Variants in TMEM181 observed in about 807,000 individuals in gnomAD.
TMEM181 encodes the protein transmembrane protein 181.
TMEM181 carries 39 observed loss-of-function variants against 71.9 expected under a neutral mutation model. That is an observed-to-expected ratio of 0.54 (90% CI 0.42 to 0.71). The LOEUF (loss-of-function observed/expected upper bound fraction) is 0.71, where lower values mean the gene tolerates loss of function less well. TMEM181 is among the 30% of genes least tolerant of loss of function. TMEM181 has a pLI of 0.00. For synonymous variants in TMEM181, 245 were observed against 228.8 expected (o/e 1.07, Z -0.64); for missense variants, 595 against 583.0 (o/e 1.02, Z -0.21).
intron 10 of TMEM181, among the ~76,000 whole-genome samples, chr6:158,615,000 T>C (rs149505477): frequency 3.4e-3 from 518 of 152,268 alleles, no homozygotes; most frequent in African/African-American, 0.012. Flanking sequence ...TGGGTATATA[T>C]CCAGTAATGG....
rs996503821 is a variant in TMEM181 at position 158,589,839 on chromosome 6, T to G, written c.492+57T>G. On this transcript the variant is annotated intron_variant, in intron 6 of 16. Transcript: ENST00000684151. The stretch of plus-strand genomic sequence containing the variant: ...GGCTCATGTTCTAGTTCCCATTCTT[T>G]GTTCAATGATTGAAATACATCTCAG... 21 of 1,225,272 alleles carry G rather than the reference T, an allele frequency of 1.7e-5. No individual in the cohort carries two copies. In the African/African-American group the frequency reaches 2.4e-4, roughly 14 times the overall value. The allele number at this position is 1,225,272 out of a possible 1,614,324, so 75.9% of individuals were successfully genotyped here. A position where few individuals can be genotyped will look rare whatever the true frequency, so the allele number is the denominator to read the frequency against.
chr6:158,608,303 C>T, intron 8 of TMEM181, 30 bp from the exon 9 acceptor site: 1 of 1,613,456 alleles, frequency 6.2e-7, no homozygotes, highest in Non-Finnish European at 8.5e-7. Flanking sequence ...GGCCTGTTTT[C>T]CACATGGATT....
chr6:158,590,751 C>G (rs150039364), intron 6 of TMEM181, among the ~76,000 whole-genome samples: 125 of 152,348 alleles, frequency 8.2e-4, no homozygotes, highest in African/African-American at 2.8e-3. Context: ...CGTGAGCCAC[C>G]GCGCCCGGCC....
rs1019976114 is a variant in TMEM181, at chr6:158,589,920, T to C, written c.492+138T>C. 7.7e-6 allele frequency: 5 copies of C among 645,552 alleles called. No homozygotes were observed. The East Asian group carries it at 8.4e-5, about 11-fold the overall frequency. 40.0% of individuals were successfully genotyped at this position (645,552 alleles called of 1,614,324 possible). A position where few individuals can be genotyped will look rare whatever the true frequency, so the allele number is the denominator to read the frequency against. The stretch of plus-strand genomic sequence containing the variant: ...GGACTTGTAAAGTTTTTAAAAATTA[T>C]AGGAAAACTACAGTTTCTTAAGTAT... On this transcript the variant is annotated intron_variant, in intron 6 of 16. Transcript: ENST00000684151.
upstream of TMEM181, among the ~76,000 whole-genome samples, chr6:158,558,582 C>G (rs1368189506): frequency 6.6e-6 from 1 of 152,196 alleles, no homozygotes; most frequent in Non-Finnish European, 1.5e-5. Context: ...ATCAGCTAAC[C>G]ACCTGCCAAT....
chr6:158,617,322 T>TG (rs1320231600), intron 10 of TMEM181, among the ~76,000 whole-genome samples: 3 of 152,228 alleles, frequency 2.0e-5, no homozygotes, highest in Non-Finnish European at 4.4e-5. Context: ...GTGGGTTCGG[T>TG]GGTGATATCC....
intron 7 of TMEM181, among the ~76,000 whole-genome samples, chr6:158,606,888 T>C (rs1359994851): frequency 6.6e-6 from 1 of 152,208 alleles, no homozygotes; most frequent in Non-Finnish European, 1.5e-5. Context: ...GTGCTGGCTC[T>C]CTGGAGCAGG....
intron 13 of TMEM181, among the ~76,000 whole-genome samples, chr6:158,626,922 T>C (rs1311728703): frequency 3.7e-5 from 3 of 82,144 alleles, no homozygotes; most frequent in South Asian, 4.6e-4. Context: ...TCACCCTCAT[T>C]CTCACCCTCA....
intron 1 of TMEM181, among the ~76,000 whole-genome samples, chr6:158,561,697 C>G (rs1220483248): frequency 6.6e-6 from 1 of 152,114 alleles, no homozygotes; most frequent in Non-Finnish European, 1.5e-5. Flanking sequence ...GGAAAGGTCC[C>G]GAGGAGGACA....
chr6:158,617,660 A>G (rs1359101685), intron 10 of TMEM181, among the ~76,000 whole-genome samples: 3 of 152,138 alleles, frequency 2.0e-5, no homozygotes, highest in Non-Finnish European at 4.4e-5. Context: ...TGTGTCCCAG[A>G]GATTCTGGTA....
At chr6:158,585,203 G>A in intron 4 of TMEM181, 101 bp from the exon 5 acceptor site, 2 of 1,337,610 alleles carry the variant, frequency 1.5e-6, no homozygotes, top group Non-Finnish European at 2.0e-6. Flanking sequence ...AGGACCTTAA[G>A]CGTTTTCCTG....
chr6:158,538,433 G>GCT (rs949228755), intron 1 of TMEM181, among the ~76,000 whole-genome samples: 1 of 150,948 alleles, frequency 6.6e-6, no homozygotes, highest in Non-Finnish European at 1.5e-5. Flanking sequence ...GAGATGACAG[G>GCT]CGTGAGCCAC....
chr6:158,559,446 G>A (rs1782028291), upstream of TMEM181, among the ~76,000 whole-genome samples: 1 of 152,154 alleles, frequency 6.6e-6, no homozygotes, highest in Non-Finnish European at 1.5e-5. Flanking sequence ...ACGGGAACAC[G>A]GGACATTTTG....
chr6:158,546,142 A>G (rs576919553), intron 1 of TMEM181, among the ~76,000 whole-genome samples: 68 of 152,302 alleles, frequency 4.5e-4, no homozygotes, highest in African/African-American at 1.6e-3. Flanking sequence ...TTCCATCTGG[A>G]AAGGTCAAGC....
intron 1 of TMEM181, among the ~76,000 whole-genome samples, chr6:158,570,341 T>A (rs1468734189): frequency 6.6e-6 from 1 of 151,082 alleles, no homozygotes; most frequent in Non-Finnish European, 1.5e-5. Context: ...CACACCGTTC[T>A]CCTGCCTCGG....
At chr6:158,589,077 A>G (rs1783950768) in intron 5 of TMEM181, among the ~76,000 whole-genome samples, 1 of 152,212 alleles carries the variant, frequency 6.6e-6, no homozygotes, top group African/African-American at 2.4e-5. Flanking sequence ...AAAGGACAAA[A>G]GGAAGGGCTC....
chr6:158,582,520 C>T (rs1337679932), intron 3 of TMEM181, among the ~76,000 whole-genome samples: 1 of 152,004 alleles, frequency 6.6e-6, no homozygotes, highest in Non-Finnish European at 1.5e-5. Flanking sequence ...TAAAAATAAG[C>T]TGGGTGTGGT....
chr6:158,606,164 C>G (rs1468703112), intron 7 of TMEM181, among the ~76,000 whole-genome samples: 1 of 150,188 alleles, frequency 6.7e-6, no homozygotes, highest in Non-Finnish European at 1.5e-5. Flanking sequence ...GAGGGAAGGG[C>G]GTGGGCGCTA....
intron 6 of TMEM181, among the ~76,000 whole-genome samples, chr6:158,590,980 T>A (rs534697984): frequency 2.6e-5 from 4 of 152,384 alleles, no homozygotes; most frequent in African/African-American, 9.6e-5. Context: ...GACTGTCTGC[T>A]TTCACTTAGC....
Sources: gnomAD v4.1 joint callset for allele counts (sites outside exome capture counted in the v4.1 genomes callset) on GRCh38, gnomAD v4.1.1 for gene constraint, MANE v1.5 for transcripts, NCBI Gene and HGNC (gene_info 2026-07-23, HGNC 2026-07-21) for gene names.